The following CDH2 variants were observed in gnomAD, a reference collection of about 807,000 sequenced individuals.
CDH2 encodes cadherin 2.
CDH2 carries 17 observed loss-of-function variants against 92.0 expected under a neutral mutation model. The observed-to-expected ratio is 0.18, with a 90% CI of 0.13 to 0.28. CDH2 has a LOEUF of 0.28. Ranked by LOEUF, CDH2 falls within the 10% of genes least tolerant of loss-of-function variation. The pLI is 1.00. For missense variants in CDH2, 862 were observed against 1,133.1 expected (o/e 0.76, Z 3.44); for synonymous variants, 419 against 415.9 (o/e 1.01, Z -0.09).
At chr18:28,097,630 T>C (rs2015158441) in intron 2 of CDH2, among the ~76,000 whole-genome samples, 1 of 152,080 alleles carries the variant, frequency 6.6e-6, no homozygotes, top group African/African-American at 2.4e-5. Flanking sequence ...AATCTAGAGA[T>C]AACTTAAAGT....
At chr18:27,967,529 C>T (rs564698668) in intron 14 of CDH2, among the ~76,000 whole-genome samples, 1 of 152,260 alleles carries the variant, frequency 6.6e-6, no homozygotes, top group South Asian at 2.1e-4. Context: ...TTATTTGGCT[C>T]CTAAAACTCA....
chr18:27,963,430 A>G lies in CDH2; in HGVS notation c.2441T>C (p.Ile814Thr), dbSNP rs2011461643. ...VGIRRMDERP[I>T]HAEPQYPVRS... Reference sequence around the variant, plus strand: ...GACCGGATACTGGGGCTCGGCGTGGATGGGTCTTTCATCCATTCGTCGGAT... The same window carrying G: ...GACCGGATACTGGGGCTCGGCGTGGGTGGGTCTTTCATCCATTCGTCGGAT... Residue 814 changes from isoleucine to threonine, a missense_variant, in exon 15 of 16, where the codon ATC (isoleucine) becomes ACC (threonine). Physicochemically the swap from Ile to Thr is moderately conservative, Grantham distance 89. Coordinates refer to ENST00000269141, the MANE Select transcript of CDH2 (RefSeq NM_001792.5). 1 of 1,613,870 alleles carries G rather than the reference A, an allele frequency of 6.2e-7. No individual in the cohort carries two copies. The highest frequency in any genetic ancestry group is 1.7e-5 in the Admixed American group (1 of 59,990).
At chr18:27,942,913 T>A (rs1327474077) in intron 6 of CDH2, among the ~76,000 whole-genome samples, 1 of 152,110 alleles carries the variant, frequency 6.6e-6, no homozygotes, top group Non-Finnish European at 1.5e-5. Flanking sequence ...TCAGTCTTGG[T>A]GCAAGCAGTC....
chr18:28,175,984 G>A (rs1356686143), intron 1 of CDH2, among the ~76,000 whole-genome samples: 1 of 152,192 alleles, frequency 6.6e-6, no homozygotes, highest in Non-Finnish European at 1.5e-5. Context: ...TGGTCGGGAG[G>A]AGCCTGGGGG....
Position 28,125,207 on chromosome 18 carries a change from A to G in CDH2, c.172+22466T>C, listed in dbSNP as rs571912019. ...AATACATTCCAATGAAACTCACTGTAAAGTCAAGAACTGTAAATTGAACCA... is the reference window on the plus strand; with the variant it reads ...AATACATTCCAATGAAACTCACTGTGAAGTCAAGAACTGTAAATTGAACCA... On this transcript the variant is annotated intron_variant, in intron 2 of 15. Coordinates refer to ENST00000269141, the MANE Select transcript of CDH2 (RefSeq NM_001792.5). Among the ~76,000 whole-genome samples, 4 of 152,316 alleles carry G rather than the reference A, an allele frequency of 2.6e-5. No individual in the cohort carries two copies. In the South Asian group the frequency reaches 8.3e-4, roughly 32 times the overall value.
intron 2 of CDH2, among the ~76,000 whole-genome samples, chr18:28,042,966 A>C (rs138869804): frequency 9.0e-4 from 137 of 152,344 alleles, no homozygotes; most frequent in African/African-American, 3.2e-3. Flanking sequence ...ATTTGTATTC[A>C]ATCAGTCAAG....
intron 2 of CDH2, among the ~76,000 whole-genome samples, chr18:28,103,435 A>T (rs1485231568): frequency 4.2e-5 from 3 of 70,598 alleles, no homozygotes; most frequent in African/African-American, 2.2e-4. Context: ...ACATATATGA[A>T]GTATGTTTAT....
intron 2 of CDH2, among the ~76,000 whole-genome samples, chr18:28,100,792 C>A (rs900419319): frequency 1.3e-5 from 2 of 152,134 alleles, no homozygotes; most frequent in South Asian, 4.1e-4. Flanking sequence ...CTTAAAGAAA[C>A]GAATTAATAG....
chr18:28,158,389 C>A (rs926197641), intron 1 of CDH2, among the ~76,000 whole-genome samples: 1 of 152,190 alleles, frequency 6.6e-6, no homozygotes. Context: ...GAGCTAATAT[C>A]GTCAGTTCCA....
At chr18:27,974,402 G>C (rs2011757242) in intron 14 of CDH2, among the ~76,000 whole-genome samples, 1 of 152,102 alleles carries the variant, frequency 6.6e-6, no homozygotes, top group Admixed American at 6.5e-5. Context: ...AGATCTTTCT[G>C]CTTTTTGAAA....
intron 1 of CDH2, among the ~76,000 whole-genome samples, chr18:28,174,965 A>T (rs1212180003): frequency 6.6e-6 from 1 of 150,944 alleles, no homozygotes; most frequent in Non-Finnish European, 1.5e-5. Context: ...CTCCTTTGTT[A>T]AAAAAAAATC....
chr18:28,130,571 G>C lies in CDH2; in HGVS notation c.172+17102C>G, dbSNP rs552446430. On this transcript the variant is annotated intron_variant, in intron 2 of 15. Coordinates refer to ENST00000269141, the MANE Select transcript of CDH2 (RefSeq NM_001792.5). ...CTGTGAAACCATGGCACCAAGCCTA[G>C]CTGAGATGCAGAAGACAGAATTCAC... 1.5e-4 allele frequency among the ~76,000 whole-genome samples: 23 copies of C among 152,314 alleles called. No individual in the cohort carries two copies. The South Asian group carries it at 4.8e-3, about 32-fold the overall frequency.
At chr18:28,066,094 T>C (rs533173317) in intron 2 of CDH2, among the ~76,000 whole-genome samples, 2 of 152,308 alleles carry the variant, frequency 1.3e-5, no homozygotes, top group Non-Finnish European at 2.9e-5. Flanking sequence ...TGTTCATTTG[T>C]GTCACAATGC....
At chr18:28,077,814 C>A (rs1359132067) in intron 2 of CDH2, among the ~76,000 whole-genome samples, 1 of 146,408 alleles carries the variant, frequency 6.8e-6, no homozygotes, top group Non-Finnish European at 1.5e-5. Context: ...TTGCTTGAAC[C>A]CGGGAGTTGG....
At chr18:28,136,052 C>T (rs2015856796) in intron 2 of CDH2, among the ~76,000 whole-genome samples, 1 of 152,118 alleles carries the variant, frequency 6.6e-6, no homozygotes, top group South Asian at 2.1e-4. Context: ...ATTTCCTTAT[C>T]AACATTTTCT....
intron 2 of CDH2, among the ~76,000 whole-genome samples, chr18:28,096,684 A>G (rs2015140606): frequency 6.6e-6 from 1 of 152,224 alleles, no homozygotes; most frequent in South Asian, 2.1e-4. Flanking sequence ...TTAACAAACT[A>G]AAGTGTATTG....
chr18:27,956,843 A>T (rs1158159408), intron 15 of CDH2, among the ~76,000 whole-genome samples: 1 of 152,192 alleles, frequency 6.6e-6, no homozygotes, highest in Non-Finnish European at 1.5e-5. Flanking sequence ...AAATAACAAG[A>T]AGTACACAGA....
intron 2 of CDH2, among the ~76,000 whole-genome samples, chr18:28,129,878 A>C (rs1299917114): frequency 6.6e-6 from 1 of 152,182 alleles, no homozygotes; most frequent in African/African-American, 2.4e-5. Context: ...TAATTTATAG[A>C]TCTTTCTTAT....
At chr18:28,150,304 G>T (rs940938594) in intron 1 of CDH2, among the ~76,000 whole-genome samples, 1 of 152,188 alleles carries the variant, frequency 6.6e-6, no homozygotes, top group East Asian at 1.9e-4. Context: ...AAATGGGGGC[G>T]TTCAGGGTAG....
Sources: allele counts gnomAD v4.1 joint callset (sites outside exome capture counted in the v4.1 genomes callset), GRCh38; gene constraint gnomAD v4.1.1; transcripts MANE v1.5; gene names NCBI Gene and HGNC (gene_info 2026-07-23, HGNC 2026-07-21).